TPTE: variants seen among roughly 807,000 people sequenced by gnomAD.
The protein encoded by TPTE is transmembrane phosphatase with tensin homology.
A neutral mutation model predicts 84.1 loss-of-function variants in TPTE; 59 were observed. That is an observed-to-expected ratio of 0.70 (90% confidence interval 0.57 to 0.87). The LOEUF (loss-of-function observed/expected upper bound fraction) is 0.87. Among genes scored for constraint, TPTE ranks in the 40% least tolerant of loss-of-function variants. TPTE has a pLI of 0.00. For missense variants in TPTE, 382 were observed against 659.6 expected (o/e 0.58, Z 4.61); for synonymous variants, 130 against 223.5 (o/e 0.58, Z 3.73).
intron 19 of TPTE, among the ~76,000 whole-genome samples, chr21:10,595,294 C>T (rs372803195): frequency 1.1e-3 from 165 of 151,844 alleles, no homozygotes; most frequent in African/African-American, 3.4e-3. Context: ...CTGCCCGCCT[C>T]GGCCTCCCGA....
At chr21:10,535,120 A>C (rs1037795252) in intron 3 of TPTE, among the ~76,000 whole-genome samples, 1 of 152,310 alleles carries the variant, frequency 6.6e-6, no homozygotes, top group African/African-American at 2.4e-5. Flanking sequence ...ATTCCTTGGC[A>C]GGTAGACTCT....
intron 3 of TPTE, among the ~76,000 whole-genome samples, chr21:10,529,858 A>G (rs1166794734): frequency 6.6e-6 from 1 of 152,306 alleles, no homozygotes. Flanking sequence ...CCCTAGTTTT[A>G]GCATTCATTG....
At chr21:10,556,526 A>G (rs1395987388) in intron 8 of TPTE, among the ~76,000 whole-genome samples, 2 of 152,310 alleles carry the variant, frequency 1.3e-5, no homozygotes, top group African/African-American at 4.8e-5. Flanking sequence ...TCTTTATAGC[A>G]GCATGATTTA....
At chr21:10,548,554 C>T (rs993969852) in intron 7 of TPTE, among the ~76,000 whole-genome samples, 1 of 152,298 alleles carries the variant, frequency 6.6e-6, no homozygotes, top group Non-Finnish European at 1.5e-5. Flanking sequence ...GTGCACACAT[C>T]CTGAGCTAGA....
intron 7 of TPTE, among the ~76,000 whole-genome samples, chr21:10,548,455 C>T (rs371060881): frequency 3.6e-3 from 541 of 152,094 alleles, no homozygotes; most frequent in African/African-American, 0.012. Context: ...TTAGGCCAGC[C>T]GAGCAGCCTC....
chr21:10,603,732 A>G (rs768492279), intron 23 of TPTE, 100 bp downstream of exon 23: 18,683 of 1,403,992 alleles, frequency 0.013, no homozygotes, highest in Non-Finnish European at 0.015. Flanking sequence ...AACTTAATTT[A>G]TAGAAAGCAA....
chr21:10,600,987 T>TA (rs1351866120), intron 21 of TPTE, among the ~76,000 whole-genome samples: 1 of 152,312 alleles, frequency 6.6e-6, no homozygotes, highest in Non-Finnish European at 1.5e-5. Context: ...CCCCAAGTGT[T>TA]ACAGACCCCC....
chr21:10,539,230 G>A (rs2074323004), intron 4 of TPTE, among the ~76,000 whole-genome samples: 1 of 152,308 alleles, frequency 6.6e-6, no homozygotes, highest in East Asian at 1.9e-4. Flanking sequence ...CTGACAAGGA[G>A]CAGTGAAGCC....
chr21:10,523,730 C>T (rs1311041210), intron 1 of TPTE, among the ~76,000 whole-genome samples: 1 of 152,298 alleles, frequency 6.6e-6, no homozygotes, highest in Non-Finnish European at 1.5e-5. Context: ...CAAGTCTTTG[C>T]TATTGTGAAT....
chr21:10,539,829 G>A (rs1162666644), intron 4 of TPTE, among the ~76,000 whole-genome samples: 1 of 152,302 alleles, frequency 6.6e-6, no homozygotes, highest in Non-Finnish European at 1.5e-5. Flanking sequence ...GGCCAACATG[G>A]TGAAACCCCA....
chr21:10,542,455 A>C lies in TPTE; in HGVS notation c.119+7A>C. The C allele has an allele frequency of 6.2e-7, 1 of 1,610,536 alleles. No individual in the cohort carries two copies. The highest frequency in any genetic ancestry group is 8.5e-7 in the Non-Finnish European group (1 of 1,177,582). ...AGGCACCTGCGAAAGAAAGGTGAGCAATAAATAGTTAAAGTCACCCGTCAG... is the reference window on the plus strand; with the variant it reads ...AGGCACCTGCGAAAGAAAGGTGAGCCATAAATAGTTAAAGTCACCCGTCAG... On this transcript the variant is annotated splice_region_variant and intron_variant, in intron 6 of 23. Coordinates refer to ENST00000618007, the MANE Select transcript of TPTE (RefSeq NM_199261.4).
intron 18 of TPTE, among the ~76,000 whole-genome samples, chr21:10,591,630 GAGCC>G (rs1391335257): frequency 6.6e-6 from 1 of 151,294 alleles, no homozygotes; most frequent in Non-Finnish European, 1.5e-5. Flanking sequence ...CATTGATCCA[GAGCC>G]CTAGACTGAG....
In TPTE at chr21:10,590,496, T is replaced by C. The variant is rs2075450642; in HGVS notation, c.1062T>C (p.Ile354=). 6.2e-7 allele frequency: 1 copy of C among 1,614,140 alleles called. No individual in the cohort carries two copies. Among genetic ancestry groups the C allele is most frequent in the Non-Finnish European group, 8.5e-7 (1 of 1,179,946 alleles). ...GAACTATGGTTTGTGCCTTCCTTAT[T>C]GCCTCTGAAATATGTTCAACTGCAA... is the stretch of plus-strand genomic sequence containing the variant. ...RTGTMVCAFL[I]ASEICSTAKE... is the part of the protein sequence containing the mutation. The change falls in exon 18 of 24, where the codon ATT becomes ATC. Residue 354 remains isoleucine, a synonymous_variant. Transcript: ENST00000618007.
intron 21 of TPTE, among the ~76,000 whole-genome samples, chr21:10,601,041 T>A (rs1368179942): frequency 2.2e-4 from 34 of 152,352 alleles, no homozygotes; most frequent in African/African-American, 8.2e-4. Flanking sequence ...CGTGATAAGT[T>A]ATGCATTGCT....
chr21:10,545,659 A>G (rs1364871110), intron 7 of TPTE, among the ~76,000 whole-genome samples: 1 of 151,388 alleles, frequency 6.6e-6, no homozygotes, highest in Non-Finnish European at 1.5e-5. Flanking sequence ...CACATATAAC[A>G]CACATGTATA....
chr21:10,576,607 C>G (rs1365256587), intron 14 of TPTE: 2 of 152,658 alleles, frequency 1.3e-5, no homozygotes, highest in Non-Finnish European at 2.9e-5. Flanking sequence ...GACTTTGATA[C>G]CTTCATTTTA....
chr21:10,573,970 A>G (rs1427417150), intron 14 of TPTE, among the ~76,000 whole-genome samples: 1 of 152,304 alleles, frequency 6.6e-6, no homozygotes, highest in Non-Finnish European at 1.5e-5. Flanking sequence ...TCTGGATTCA[A>G]GGAGTAGAAA....
chr21:10,522,553 G>A (rs2074001640), intron 1 of TPTE, among the ~76,000 whole-genome samples: 1 of 152,312 alleles, frequency 6.6e-6, no homozygotes, highest in Admixed American at 6.5e-5. Flanking sequence ...GGGCAGCATT[G>A]TTTCTTATTG....
intron 14 of TPTE, among the ~76,000 whole-genome samples, chr21:10,572,045 A>T: frequency 6.6e-6 from 1 of 152,428 alleles, no homozygotes; most frequent in African/African-American, 2.4e-5. Context: ...TTAAAAACAG[A>T]CATGGGAGAG....
Sources: allele counts gnomAD v4.1 joint callset (sites outside exome capture counted in the v4.1 genomes callset), GRCh38; gene constraint gnomAD v4.1.1; transcripts MANE v1.5; gene names NCBI Gene and HGNC (gene_info 2026-07-23, HGNC 2026-07-21).